Variants in TCF3 observed in about 807,000 individuals in gnomAD.
TCF3 encodes transcription factor E2-alpha.
TCF3 carries 54 observed loss-of-function variants against 72.3 expected under a neutral mutation model. The observed-to-expected ratio is 0.75, with a 90% CI of 0.60 to 0.94. The LOEUF (loss-of-function observed/expected upper bound fraction) is 0.94. Ranked by LOEUF, TCF3 falls within the 40% of genes least tolerant of loss-of-function variation. The pLI, the probability that TCF3 is intolerant of heterozygous loss-of-function variation, is 0.00. For missense variants in TCF3, 1,078 were observed against 934.4 expected (o/e 1.15, Z -2.00); for synonymous variants, 525 against 412.6 (o/e 1.27, Z -3.30).
intron 5 of TCF3, among the ~76,000 whole-genome samples, chr19:1,629,044 TGAGGCG>T (rs2063345176): frequency 9.5e-5 from 2 of 21,038 alleles, no homozygotes; most frequent in African/African-American, 6.4e-4. Context: ...GCTCACGGGG[TGAGGCG>T]GGAAGGGGAC....
At chr19:1,627,489 G>A (rs936201356) in intron 5 of TCF3, 63 bp from the exon 6 acceptor site, 1 of 1,496,486 alleles carries the variant, frequency 6.7e-7, no homozygotes. Flanking sequence ...GGGCCCCCGA[G>A]TGCCTGCCAT....
At chr19:1,631,804 T>A in intron 5 of TCF3, 1 of 1,122,998 alleles carries the variant, frequency 8.9e-7, no homozygotes. Context: ...ACGGCCTCCC[T>A]GCCTCTACGC....
Position 1,627,411 on chromosome 19 carries a change from C to T in TCF3, c.314G>A (p.Arg105Gln), listed in dbSNP as rs535762587. 6.3e-5 allele frequency: 101 copies of T among 1,611,956 alleles called. No homozygotes were observed. The highest frequency in any genetic ancestry group is 5.1e-4 in the Middle Eastern group (3 of 5,938). Residue 105 changes from arginine (R) to glutamine (Q), a missense_variant, in exon 6 of 19, where the codon CGG becomes CAG. Physicochemically the swap from Arg to Gln is conservative, Grantham distance 43 (BLOSUM62 1). Transcript: ENST00000262965. ...GPGLGGKSGE[R>Q]GAYASFGRDA... is the part of the protein sequence containing the mutation. ...TCTCCCGAAGGAGGCATAGGCGCCC[C>T]GCTCACCGCTCTTGCCTGCAAGGGG...
Position 1,615,678 on chromosome 19 carries a change from G to A in TCF3, c.1586+8C>T, listed in dbSNP as rs764822161. Reference sequence around the variant, plus strand: ...GAGGGTGGGGAGTGCCGAGGGGTGGGTTGGCACCTGGTCCGGGCCCGGGGG... The same window carrying A: ...GAGGGTGGGGAGTGCCGAGGGGTGGATTGGCACCTGGTCCGGGCCCGGGGG... On this transcript the variant is annotated splice_region_variant and intron_variant, in intron 17 of 18. Transcript: ENST00000262965. The surrounding 1 kb of genome is among the most constrained non-coding windows in gnomAD (Gnocchi z 7.3). 1.7e-5 allele frequency: 28 copies of A among 1,612,966 alleles called. No homozygotes were observed. Among genetic ancestry groups the A allele is most frequent in the Non-Finnish European group, 2.1e-5 (25 of 1,179,482 alleles).
In TCF3 at chr19:1,611,743, G is replaced by T. The variant is rs867625609; in HGVS notation, c.1929C>A (p.Gly643=). The T allele has an allele frequency of 6.2e-7, 1 of 1,613,796 alleles. No individual in the cohort carries two copies. The highest frequency in any genetic ancestry group is 8.5e-7 in the Non-Finnish European group (1 of 1,179,976). ...PQMVLSAPHP[G]LSEAHNPAGH... ...CGGCGGGGTTGTGGGCTTCGCTCAG[G>T]CCTGGGTGGGGAGCTGAAAGCACCA... is the stretch of plus-strand genomic sequence containing the variant. The change falls in exon 19 of 19, where the codon GGC becomes GGA. Residue 643 remains glycine (G), a synonymous_variant. Coordinates refer to ENST00000262965, the MANE Select transcript of TCF3 (RefSeq NM_003200.5).
chr19:1,622,258 G>A, intron 9 of TCF3, 35 bp from the exon 10 acceptor site: 2 of 1,512,712 alleles, frequency 1.3e-6, no homozygotes, highest in African/African-American at 1.4e-5. Context: ...GGGGCCGAGT[G>A]GGGAACCCCA....
rs185688460 is a variant in TCF3, at chr19:1,643,438, C to T, written c.145+2917G>A. Among the ~76,000 whole-genome samples the T allele has an allele frequency of 5.9e-5, 9 of 152,348 alleles. No homozygotes were observed. The East Asian group carries it at 1.5e-3, about 26-fold the overall frequency. On this transcript the variant is annotated intron_variant, in intron 3 of 18. Transcript: ENST00000262965. ...GTTTTGCTGTGTTACCCAGGCTGGT[C>T]TCTAACTCCTGCGCTCAAGCGATCC...
rs549190489 is a variant in TCF3 at position 1,624,584 on chromosome 19, G to A, written c.500-584C>T. Among the ~76,000 whole-genome samples the A allele has an allele frequency of 1.8e-4, 28 of 152,288 alleles. No homozygotes were observed. The East Asian group carries it at 4.2e-3, about 23-fold the overall frequency. On this transcript the variant is annotated intron_variant, in intron 7 of 18. Transcript: ENST00000262965. ...CCCACCCTCCTTCCAAGATGGCCCC[G>A]ACTATCCCACGCAGTCAGGCTTCAC... is the stretch of plus-strand genomic sequence containing the variant.
intron 2 of TCF3, among the ~76,000 whole-genome samples, chr19:1,649,934 C>T (rs772177989): frequency 3.9e-5 from 6 of 152,244 alleles, no homozygotes; most frequent in Non-Finnish European, 8.8e-5. Flanking sequence ...TCAGTTTCCC[C>T]ATCTGTAAAG....
At chr19:1,640,970 G>A (rs977713646) in intron 3 of TCF3, among the ~76,000 whole-genome samples, 1 of 152,030 alleles carries the variant, frequency 6.6e-6, no homozygotes, top group East Asian at 1.9e-4. Flanking sequence ...CCAACGTGGC[G>A]AAACCATGTC....
At chr19:1,632,168 CT>C in intron 4 of TCF3, 52 bp from the exon 5 acceptor site, 2 of 1,586,798 alleles carry the variant, frequency 1.3e-6, no homozygotes, top group South Asian at 2.3e-5. Flanking sequence ...CAGGCCCCCC[CT>C]CCACCCCGCA....
chr19:1,641,516 A>G (rs1472961683), intron 3 of TCF3, among the ~76,000 whole-genome samples: 1 of 152,100 alleles, frequency 6.6e-6, no homozygotes, highest in Non-Finnish European at 1.5e-5. Context: ...GCAGTGGCGC[A>G]ATCTCAGCTA....
In TCF3 at chr19:1,619,303, G is replaced by T; in HGVS notation, c.1326+13C>A. 7 of 1,568,740 alleles carry T rather than the reference G, an allele frequency of 4.5e-6. No homozygotes were observed. Among genetic ancestry groups the T allele is most frequent in the Non-Finnish European group, 6.0e-6 (7 of 1,163,358 alleles). On this transcript the variant is annotated intron_variant, in intron 15 of 18. Coordinates refer to ENST00000262965, the MANE Select transcript of TCF3 (RefSeq NM_003200.5). The stretch of plus-strand genomic sequence containing the variant: ...CCGCCCACTGCCCAGCTCCACCCTC[G>T]CCCAGCGCTCACCAGGCCTGCGTGC...
At position 1,610,604 on chromosome 19, in the gene TCF3, A is replaced by AT. The variant is rs1395382403; in HGVS notation, c.*1102dup. Reference sequence around the variant, plus strand: ...GTCACTGGTCCCAACAAAATGCCCCATTTCAGAGAGCTGTGCAGGTTCCAA... The same window carrying AT: ...GTCACTGGTCCCAACAAAATGCCCCATTTTCAGAGAGCTGTGCAGGTTCCAA... On this transcript the variant is annotated 3_prime_UTR_variant, in exon 19 of 19. Coordinates refer to ENST00000262965, the MANE Select transcript of TCF3 (RefSeq NM_003200.5). The AT allele has an allele frequency of 4.3e-6, 1 of 231,128 alleles. No individual in the cohort carries two copies. Among genetic ancestry groups the AT allele is most frequent in the Non-Finnish European group, 8.6e-6 (1 of 116,914 alleles). The allele number at this position is 231,128 out of a possible 1,614,324, so 14.3% of individuals were successfully genotyped here. A position where few individuals can be genotyped will look rare whatever the true frequency, so the allele number is the denominator to read the frequency against.
chr19:1,648,962 C>T (rs2066572953), intron 2 of TCF3, among the ~76,000 whole-genome samples: 1 of 152,172 alleles, frequency 6.6e-6, no homozygotes, highest in African/African-American at 2.4e-5. Flanking sequence ...TTTACAGCAC[C>T]CGTCAGCGGC....
At position 1,611,243 on chromosome 19, in the gene TCF3, A is replaced by C; in HGVS notation, c.*464T>G. ...ACAATTTGCTGGTGGCTTTAGAAGA[A>C]TAAGCCAGGTTTCCACAGCATCCCC... On this transcript the variant is annotated 3_prime_UTR_variant, in exon 19 of 19. Coordinates refer to ENST00000262965, the MANE Select transcript of TCF3 (RefSeq NM_003200.5). 3.3e-6 allele frequency: 1 copy of C among 300,834 alleles called. No individual in the cohort carries two copies. The highest frequency in any genetic ancestry group is 5.1e-5 in the Admixed American group (1 of 19,728). 18.6% of individuals were successfully genotyped at this position (300,834 alleles called of 1,614,324 possible).
rs1482491713 is a variant in TCF3, at chr19:1,619,321, C to G, written c.1321G>C (p.Gly441Arg). 2 of 1,573,146 alleles carry G rather than the reference C, an allele frequency of 1.3e-6. No homozygotes were observed. Among genetic ancestry groups the G allele is most frequent in the South Asian group, 1.1e-5 (1 of 88,480 alleles). Residue 441 changes from glycine (G) to arginine (R), a missense_variant, in exon 15 of 19, where the codon GGC (glycine) becomes CGC (arginine). Physicochemically the swap from Gly to Arg is moderately radical, Grantham distance 125. Transcript: ENST00000262965. ...CACCCTCGCCCAGCGCTCACCAGGC[C>G]TGCGTGCCGCCCGCCCAGTGACATG... ...GPMSLGGRHAGLVGGSHPEDG... is the reference protein window; with the variant it reads ...GPMSLGGRHARLVGGSHPEDG...
intron 4 of TCF3, 28 bp from the exon 5 acceptor site, chr19:1,632,144 G>C (rs753125362): frequency 6.2e-7 from 1 of 1,607,746 alleles, no homozygotes; most frequent in East Asian, 2.2e-5. Flanking sequence ...GGGATGAGAG[G>C]TGCTGGGGCT....
Position 1,611,727 on chromosome 19 carries a change from T to C in TCF3, c.1945A>G (p.Asn649Asp). The change falls in exon 19 of 19, where the codon AAC becomes GAC. Residue 649 changes from asparagine (N) to aspartate (D), a missense_variant. Transcript: ENST00000262965. Reference sequence around the variant, plus strand: ...ACCTTTCACATGTGCCCGGCGGGGTTGTGGGCTTCGCTCAGGCCTGGGTGG... The same window carrying C: ...ACCTTTCACATGTGCCCGGCGGGGTCGTGGGCTTCGCTCAGGCCTGGGTGG... ...APHPGLSEAHNPAGHM is the reference protein window; with the variant it reads ...APHPGLSEAHDPAGHM 1 of 1,613,570 alleles carries C rather than the reference T, an allele frequency of 6.2e-7. No individual in the cohort carries two copies.
Sources: allele counts gnomAD v4.1 joint callset (sites outside exome capture counted in the v4.1 genomes callset), GRCh38; gene constraint gnomAD v4.1.1; non-coding constraint Gnocchi (gnomAD v3.1); transcripts MANE v1.5; gene names NCBI Gene and HGNC (gene_info 2026-07-23, HGNC 2026-07-21).